PLPPR1: variants seen among roughly 807,000 people sequenced by gnomAD.
The protein encoded by PLPPR1 is phospholipid phosphatase related 1.
A neutral mutation model predicts 33.1 loss-of-function variants in PLPPR1; 10 were observed. The observed-to-expected ratio is 0.30, with a 90% CI of 0.19 to 0.51. The LOEUF (loss-of-function observed/expected upper bound fraction) is 0.51. PLPPR1 is among the 20% of genes least tolerant of loss of function. The pLI is 0.97. For missense variants in PLPPR1, 304 were observed against 408.1 expected, an observed-to-expected ratio of 0.74 and a Z score of 2.20; for synonymous variants, 151 against 151.0, an observed-to-expected ratio of 1.00 and a Z score of 0.00.
intron 2 of PLPPR1, among the ~76,000 whole-genome samples, chr9:101,196,781 C>T (rs1826402772): frequency 6.6e-6 from 1 of 151,544 alleles, no homozygotes; most frequent in Non-Finnish European, 1.5e-5. Context: ...GGGAGAATGG[C>T]GTGAACCCGG....
chr9:101,036,981 T>A (rs1037607227), intron 1 of PLPPR1, among the ~76,000 whole-genome samples: 1 of 152,088 alleles, frequency 6.6e-6, no homozygotes, highest in Non-Finnish European at 1.5e-5. Flanking sequence ...CCAAAATCTA[T>A]GCTTATCTTA....
At chr9:101,097,007 C>A (rs769120845) in intron 1 of PLPPR1, among the ~76,000 whole-genome samples, 4 of 152,140 alleles carry the variant, frequency 2.6e-5, no homozygotes, top group Non-Finnish European at 4.4e-5. Context: ...ATCAAAGCTG[C>A]AGACATGTGT....
chr9:101,029,268 G>T (rs1464389211), intron 1 of PLPPR1, among the ~76,000 whole-genome samples, 166 bp downstream of exon 1: 2 of 152,240 alleles, frequency 1.3e-5, no homozygotes, highest in African/African-American at 4.8e-5. Flanking sequence ...GCAGAGGAGA[G>T]GACGAACCCA....
intron 7 of PLPPR1, 62 bp downstream of exon 7, chr9:101,317,558 C>T: frequency 1.3e-6 from 2 of 1,498,578 alleles, no homozygotes; most frequent in Non-Finnish European, 1.8e-6. Flanking sequence ...AGGTCAGTAT[C>T]AATCCATGAA....
At chr9:101,254,725 G>T (rs986495096) in intron 2 of PLPPR1, among the ~76,000 whole-genome samples, 2 of 152,162 alleles carry the variant, frequency 1.3e-5, no homozygotes, top group African/African-American at 4.8e-5. Flanking sequence ...CCACTTATGT[G>T]TTTATGAAAA....
At chr9:101,040,563 T>C (rs984465490) in intron 1 of PLPPR1, among the ~76,000 whole-genome samples, 2 of 152,182 alleles carry the variant, frequency 1.3e-5, no homozygotes, top group Admixed American at 1.3e-4. Flanking sequence ...GTCTTTGCGT[T>C]TGCTGTTAGC....
intron 1 of PLPPR1, among the ~76,000 whole-genome samples, chr9:101,067,454 A>G (rs1327853719): frequency 6.6e-6 from 1 of 152,060 alleles, no homozygotes; most frequent in African/African-American, 2.4e-5. Flanking sequence ...TGGTTAAAAA[A>G]TATATATAAT....
intron 1 of PLPPR1, among the ~76,000 whole-genome samples, chr9:101,129,311 TA>T (rs968544440): frequency 9.7e-4 from 138 of 142,336 alleles, no homozygotes; most frequent in Non-Finnish European, 1.6e-3. Context: ...GTTGAGAAAC[TA>T]AAAAAAAAAA....
Position 101,223,327 on chromosome 9 carries a change from C to T in PLPPR1, c.63+37770C>T, listed in dbSNP as rs111846733. Among the ~76,000 whole-genome samples, 188 of 100,868 alleles carry T rather than the reference C, an allele frequency of 1.9e-3. 1 individual carries two copies. The highest frequency in any genetic ancestry group is 6.3e-3 in the African/African-American group (155 of 24,676). The allele number at this position is 100,868 out of a possible 152,430, so 66.2% of individuals were successfully genotyped here. On this transcript the variant is annotated intron_variant, in intron 2 of 7. Coordinates refer to ENST00000374874, the MANE Select transcript of PLPPR1 (RefSeq NM_207299.2). ...CTCCAGTCTGGGTGACAGACTGAGA[C>T]CCTGTTTCCAAAAAAAAAAACCTTA...
chr9:101,302,562 CTGTA>C lies in PLPPR1; in HGVS notation c.386-6645_386-6642del, dbSNP rs1828773826. ...GTGGAAAAGAAAAAGCAAAAGTAAA[CTGTA>C]TGTGTTTCTTTAATCTTGTGTTCCA... is the stretch of plus-strand genomic sequence containing the variant. On this transcript the variant is annotated intron_variant, in intron 4 of 7. Transcript: ENST00000374874. Among the ~76,000 whole-genome samples the C allele has an allele frequency of 2.6e-5, 4 of 152,186 alleles. No individual in the cohort carries two copies. In the South Asian group the frequency reaches 8.3e-4, roughly 31 times the overall value.
chr9:101,037,789 AT>A (rs555184964), intron 1 of PLPPR1, among the ~76,000 whole-genome samples: 90 of 133,834 alleles, frequency 6.7e-4, no homozygotes, highest in Non-Finnish European at 8.2e-4. Flanking sequence ...ATCTGTCTGT[AT>A]TTTTTTTTTT....
At chr9:101,030,338 G>GCCA (rs1829929373) in intron 1 of PLPPR1, among the ~76,000 whole-genome samples, 1 of 150,756 alleles carries the variant, frequency 6.6e-6, no homozygotes. Context: ...TTGACTGGAG[G>GCCA]GGACGTACAC....
intron 2 of PLPPR1, among the ~76,000 whole-genome samples, chr9:101,251,806 A>T (rs990376584): frequency 6.6e-6 from 1 of 152,136 alleles, no homozygotes; most frequent in African/African-American, 2.4e-5. Context: ...CTGATATAGA[A>T]GGATGGTTGG....
chr9:101,181,903 C>T (rs548874935), intron 1 of PLPPR1, among the ~76,000 whole-genome samples: 13 of 148,632 alleles, frequency 8.7e-5, no homozygotes, highest in African/African-American at 3.2e-4. Flanking sequence ...CTTATATACA[C>T]ATATATATAG....
chr9:101,181,632 G>GTA (rs1257608478), intron 1 of PLPPR1, among the ~76,000 whole-genome samples: 2 of 147,396 alleles, frequency 1.4e-5, no homozygotes, highest in African/African-American at 2.5e-5. Flanking sequence ...GTGTGTGTGT[G>GTA]TATGTGTATG....
intron 1 of PLPPR1, among the ~76,000 whole-genome samples, chr9:101,069,678 G>C (rs944320984): frequency 2.0e-5 from 3 of 152,106 alleles, no homozygotes; most frequent in Non-Finnish European, 4.4e-5. Flanking sequence ...TCCCTAGTTG[G>C]TTCCAATATG....
intron 1 of PLPPR1, among the ~76,000 whole-genome samples, chr9:101,084,243 C>G (rs1270506679): frequency 1.3e-5 from 2 of 152,174 alleles, no homozygotes; most frequent in East Asian, 3.9e-4. Context: ...ATTCCAGGAT[C>G]TGGATAGGTT....
intron 1 of PLPPR1, among the ~76,000 whole-genome samples, chr9:101,098,065 A>C (rs546863108): frequency 8.5e-5 from 13 of 152,158 alleles, no homozygotes; most frequent in Admixed American, 2.6e-4. Context: ...TAGAGCATCA[A>C]TGCATAGATT....
intron 2 of PLPPR1, among the ~76,000 whole-genome samples, chr9:101,196,955 G>A (rs1826408108): frequency 6.6e-6 from 1 of 152,182 alleles, no homozygotes; most frequent in African/African-American, 2.4e-5. Flanking sequence ...TGGCTTCAAA[G>A]CAGTATGTAA....
Sources: allele counts gnomAD v4.1 joint callset (sites outside exome capture counted in the v4.1 genomes callset), GRCh38; gene constraint gnomAD v4.1.1; transcripts MANE v1.5; gene names NCBI Gene and HGNC (gene_info 2026-07-23, HGNC 2026-07-21).